Variants in VPS13B observed in about 807,000 individuals in gnomAD.
The protein encoded by VPS13B is intermembrane lipid transfer protein VPS13B.
VPS13B carries 285 observed loss-of-function variants against 426.4 expected under a neutral mutation model. The ratio of observed to expected loss-of-function variants is 0.67; its 90% CI spans 0.61 to 0.74. The LOEUF (loss-of-function observed/expected upper bound fraction) is 0.74. VPS13B is among the 30% of genes least tolerant of loss of function. The pLI is 0.00. For synonymous variants in VPS13B, 1,676 were observed against 1,676.4 expected (o/e 1.00, Z 0.01); for missense variants, 4,537 against 4,782.6 (o/e 0.95, Z 1.51).
chr8:99,390,428 C>T (rs536754264), intron 20 of VPS13B, among the ~76,000 whole-genome samples: 3 of 152,094 alleles, frequency 2.0e-5, no homozygotes, highest in Non-Finnish European at 1.5e-5. Context: ...TTTTTTTACT[C>T]AGTGTGACTA....
At chr8:99,721,395 G>A (rs754288520) in intron 39 of VPS13B, among the ~76,000 whole-genome samples, 8 of 152,156 alleles carry the variant, frequency 5.3e-5, no homozygotes, top group Non-Finnish European at 8.8e-5. Context: ...TTCTAGAACC[G>A]CCCCATGAAA....
intron 17 of VPS13B, among the ~76,000 whole-genome samples, chr8:99,198,921 T>C (rs74989522): frequency 0.022 from 3,274 of 152,192 alleles, 124 homozygotes; most frequent in African/African-American, 0.075. Flanking sequence ...CAAATAGTTC[T>C]ATCTAAAGAT....
intron 16 of VPS13B, among the ~76,000 whole-genome samples, chr8:99,188,101 A>C (rs1353549508): frequency 1.4e-5 from 2 of 138,770 alleles, no homozygotes; most frequent in Non-Finnish European, 3.1e-5. Context: ...TATTTGAATC[A>C]GTTTTGCTAA....
intron 17 of VPS13B, among the ~76,000 whole-genome samples, chr8:99,218,796 C>T (rs186096475): frequency 1.0e-3 from 156 of 152,262 alleles, no homozygotes; most frequent in African/African-American, 3.6e-3. Context: ...GGTAATGCCT[C>T]ATGCAATGTG....
At chr8:99,471,911 G>C (rs1819430351) in intron 24 of VPS13B, among the ~76,000 whole-genome samples, 2 of 152,110 alleles carry the variant, frequency 1.3e-5, no homozygotes, top group South Asian at 4.1e-4. Flanking sequence ...AAGATCTACA[G>C]TGGGAAGTAA....
Position 99,111,161 on chromosome 8 carries a change from G to A in VPS13B, c.644G>A (p.Arg215Gln), listed in dbSNP as rs1268293833. Residue 215 changes from arginine to glutamine, a missense_variant, in exon 6 of 62, where the codon CGG becomes CAG. This residue lies in a region of VPS13B where 226 missense variants were observed against 308.3 expected (regional missense o/e 0.73). Transcript: ENST00000357162. ...GACTGTACAGTTTGTCTTGATAAAC[G>A]GAATGCCAGTGGTAAAATAGAATTT... The part of the protein sequence containing the change: ...FSDCTVCLDK[R>Q]NASGKIEFYQ... 2 of 1,603,174 alleles carry A rather than the reference G, an allele frequency of 1.2e-6. No individual in the cohort carries two copies. Among genetic ancestry groups the A allele is most frequent in the Non-Finnish European group, 8.5e-7 (1 of 1,174,526 alleles).
At chr8:99,307,865 T>C (rs1439685370) in intron 19 of VPS13B, among the ~76,000 whole-genome samples, 2 of 152,100 alleles carry the variant, frequency 1.3e-5, no homozygotes, top group Non-Finnish European at 2.9e-5. Flanking sequence ...GAAATCTTTC[T>C]ACTTTTTTGA....
chr8:99,794,234 T>C (rs903274067), intron 43 of VPS13B, among the ~76,000 whole-genome samples: 7 of 152,176 alleles, frequency 4.6e-5, no homozygotes, highest in African/African-American at 1.7e-4. Context: ...CTCAAAAGAA[T>C]AGTCTGATCT....
chr8:99,761,565 A>C (rs565593076), intron 39 of VPS13B, among the ~76,000 whole-genome samples: 10 of 152,332 alleles, frequency 6.6e-5, no homozygotes, highest in Non-Finnish European at 1.2e-4. Context: ...CCAATGTGCC[A>C]GCTAATTTTT....
At chr8:99,249,711 C>T (rs1247138677) in intron 17 of VPS13B, among the ~76,000 whole-genome samples, 2 of 152,176 alleles carry the variant, frequency 1.3e-5, no homozygotes, top group African/African-American at 2.4e-5. Flanking sequence ...ATGTGAGCCA[C>T]CGCGCCCGGC....
At chr8:99,464,925 A>G (rs937224462) in intron 23 of VPS13B, among the ~76,000 whole-genome samples, 4 of 152,190 alleles carry the variant, frequency 2.6e-5, no homozygotes, top group Non-Finnish European at 5.9e-5. Context: ...TTCACATACA[A>G]AGAGATTCTC....
intron 21 of VPS13B, among the ~76,000 whole-genome samples, chr8:99,415,438 A>G (rs1013103913): frequency 7.2e-5 from 11 of 151,834 alleles, no homozygotes; most frequent in African/African-American, 2.7e-4. Context: ...CTCATTCTCC[A>G]TCCAGTTTTG....
intron 2 of VPS13B, among the ~76,000 whole-genome samples, chr8:99,037,610 A>G (rs1004024013): frequency 6.6e-6 from 1 of 152,148 alleles, no homozygotes; most frequent in African/African-American, 2.4e-5. Flanking sequence ...TTTCACAAAT[A>G]GAGTTACAAT....
At chr8:99,811,673 A>G (rs1442249801) in intron 44 of VPS13B, among the ~76,000 whole-genome samples, 1 of 152,156 alleles carries the variant, frequency 6.6e-6, no homozygotes, top group Admixed American at 6.6e-5. Context: ...CCATAGAGAA[A>G]TGGTTTTAAT....
At chr8:99,602,473 G>A (rs1016102780) in intron 33 of VPS13B, among the ~76,000 whole-genome samples, 1 of 151,982 alleles carries the variant, frequency 6.6e-6, no homozygotes, top group Admixed American at 6.6e-5. Context: ...TCTTGGCTAT[G>A]CAGGCTCTTT....
At chr8:99,244,079 G>C (rs1055616849) in intron 17 of VPS13B, among the ~76,000 whole-genome samples, 2 of 152,162 alleles carry the variant, frequency 1.3e-5, no homozygotes, top group African/African-American at 4.8e-5. Context: ...ATAATTCTAA[G>C]GTTAACATAT....
intron 17 of VPS13B, among the ~76,000 whole-genome samples, chr8:99,253,037 GTC>G (rs1237494450): frequency 6.6e-6 from 1 of 151,970 alleles, no homozygotes; most frequent in Non-Finnish European, 1.5e-5. Context: ...TCTACTTAGT[GTC>G]TCTGTGGAAT....
At chr8:99,588,953 T>C (rs896141934) in intron 33 of VPS13B, among the ~76,000 whole-genome samples, 4 of 151,814 alleles carry the variant, frequency 2.6e-5, no homozygotes, top group African/African-American at 9.7e-5. Flanking sequence ...ATAGCTCTTA[T>C]TATTTTGAGA....
chr8:99,091,426 C>T (rs755559155), intron 3 of VPS13B, among the ~76,000 whole-genome samples: 1 of 152,100 alleles, frequency 6.6e-6, no homozygotes, highest in Non-Finnish European at 1.5e-5. Context: ...CCTGTCATAA[C>T]CCCTTTTTTC....
Sources: allele counts gnomAD v4.1 joint callset (sites outside exome capture counted in the v4.1 genomes callset), GRCh38; gene constraint gnomAD v4.1.1; regional missense constraint gnomAD v4.1.1; transcripts MANE v1.5; gene names NCBI Gene and HGNC (gene_info 2026-07-23, HGNC 2026-07-21).